Variants in MARCHF7 observed in about 807,000 individuals in gnomAD.
The protein encoded by MARCHF7 is E3 ubiquitin-protein ligase MARCHF7.
MARCHF7 carries 20 observed loss-of-function variants against 76.5 expected under a neutral mutation model. The observed-to-expected ratio is 0.26, with a 90% CI of 0.18 to 0.38. MARCHF7 has a LOEUF of 0.38. MARCHF7 is among the 10% of genes least tolerant of loss of function. The probability of loss-of-function intolerance (pLI) is 1.00; values close to 1 mark genes in which losing one functional copy is unlikely to be tolerated. For synonymous variants in MARCHF7, 295 were observed against 293.0 expected (o/e 1.01, Z -0.07); for missense variants, 797 against 812.9 (o/e 0.98, Z 0.24).
In MARCHF7 at chr2:159,748,544, A is replaced by G; in HGVS notation, c.1254A>G (p.Ser418=). 1.9e-6 allele frequency: 3 copies of G among 1,614,208 alleles called. No homozygotes were observed. Among genetic ancestry groups the G allele is most frequent in the East Asian group, 2.2e-5 (1 of 44,894 alleles). Residue 418 remains serine (S), a synonymous_variant, in exon 7 of 12, where the codon TCA becomes TCG. Transcript: ENST00000409175. Reference sequence around the variant, plus strand: ...CAAGGATACCTACCTCTGATACATCATCTAGATCTCATATTTTTAGAAGAG... The same window carrying G: ...CAAGGATACCTACCTCTGATACATCGTCTAGATCTCATATTTTTAGAAGAG... ...ESSRIPTSDT[S]SRSHIFRRES... is the part of the protein sequence containing the mutation.
At chr2:159,719,411 C>A (rs983755507) in intron 3 of MARCHF7, among the ~76,000 whole-genome samples, 10 of 149,006 alleles carry the variant, frequency 6.7e-5, no homozygotes, top group Non-Finnish European at 8.9e-5. Context: ...CACTCCCAAT[C>A]CCCTGAAAGA....
chr2:159,764,843 G>GT (rs5835760), intron 11 of MARCHF7, among the ~76,000 whole-genome samples, 169 bp downstream of exon 11: 98,386 of 146,108 alleles, frequency 0.67, 34,127 homozygotes, highest in Non-Finnish European at 0.78. Context: ...GACATTAGTT[G>GT]TTTTTTTTTT....
chr2:159,713,904 A>T (rs1700656257), intron 1 of MARCHF7, among the ~76,000 whole-genome samples: 1 of 152,168 alleles, frequency 6.6e-6, no homozygotes, highest in African/African-American at 2.4e-5. Context: ...ACTAGGGGAC[A>T]TAATACTAGT....
chr2:159,739,184 G>T (rs1187392824), intron 4 of MARCHF7, among the ~76,000 whole-genome samples: 2 of 152,248 alleles, frequency 1.3e-5, no homozygotes, highest in East Asian at 3.8e-4. Flanking sequence ...CTGGGTCAGG[G>T]AGCACAGGGC....
At chr2:159,762,559 A>G (rs1178789707) in intron 9 of MARCHF7, among the ~76,000 whole-genome samples, 3 of 152,264 alleles carry the variant, frequency 2.0e-5, no homozygotes, top group Non-Finnish European at 1.5e-5. Context: ...CTAAATATAT[A>G]TAGCTATAGC....
intron 5 of MARCHF7, among the ~76,000 whole-genome samples, chr2:159,744,416 T>TTATGTACTGA (rs1213669957): frequency 4.6e-4 from 70 of 152,230 alleles, no homozygotes; most frequent in Admixed American, 2.2e-3. Flanking sequence ...ATGCCTGGTA[T>TTATGTACTGA]TATGTACTGA....
intron 3 of MARCHF7, among the ~76,000 whole-genome samples, chr2:159,727,718 T>G (rs573183815): frequency 2.2e-4 from 34 of 152,220 alleles, no homozygotes; most frequent in Non-Finnish European, 4.6e-4. Flanking sequence ...TATGGTGGAA[T>G]GCTATGTAAA....
At chr2:159,712,777 A>T (rs974287372) in intron 1 of MARCHF7, 171 bp downstream of exon 1, 1 of 152,452 alleles carries the variant, frequency 6.6e-6, no homozygotes, top group Admixed American at 6.5e-5. Context: ...GCTTCCTCTC[A>T]GGATGAGGTG....
At chr2:159,765,280 TAAG>T (rs2125754296) in intron 11 of MARCHF7, among the ~76,000 whole-genome samples, 1 of 152,164 alleles carries the variant, frequency 6.6e-6, no homozygotes, top group Admixed American at 6.5e-5. Flanking sequence ...TCAAATCTCT[TAAG>T]ATCACATTCC....
At chr2:159,742,079 A>G (rs1704193327) in intron 4 of MARCHF7, among the ~76,000 whole-genome samples, 1 of 152,178 alleles carries the variant, frequency 6.6e-6, no homozygotes, top group Non-Finnish European at 1.5e-5. Context: ...AACTTAACAA[A>G]TTAAAGAATT....
intron 8 of MARCHF7, among the ~76,000 whole-genome samples, chr2:159,757,691 CT>C (rs1287386140): frequency 3.3e-5 from 5 of 152,120 alleles, no homozygotes; most frequent in Non-Finnish European, 5.9e-5. Flanking sequence ...TGAGTGTAGC[CT>C]TTTTGAATGA....
chr2:159,748,067 G>C lies in MARCHF7; in HGVS notation c.777G>C (p.Arg259Ser). 3 of 1,614,110 alleles carry C rather than the reference G, an allele frequency of 1.9e-6. No homozygotes were observed. The highest frequency in any genetic ancestry group is 1.1e-5 in the South Asian group (1 of 91,074). ...CCCCAATCATAAGCAATTCAGAAAG[G>C]GTTGTTTCATCTCAAAGACCATTTC... Reference protein sequence around the residue: ...DEAPIISNSERVVSSQRPFQE... With the variant: ...DEAPIISNSESVVSSQRPFQE... The change falls in exon 7 of 12, where the codon AGG becomes AGC. Residue 259 changes from arginine to serine, a missense_variant. Arg to Ser is a moderately radical substitution (Grantham distance 110). Around this residue, in one of 3 missense-constraint regions of MARCHF7, gnomAD observed 643 missense variants for 631.5 expected, o/e 1.02. Coordinates refer to ENST00000409175, the MANE Select transcript of MARCHF7 (RefSeq NM_001282805.2).
At chr2:159,732,796 T>G in intron 4 of MARCHF7, 2 of 954,090 alleles carry the variant, frequency 2.1e-6, no homozygotes, top group Non-Finnish European at 2.5e-6. Flanking sequence ...CCTCCCAAAG[T>G]GATGGGATTA....
At chr2:159,746,461 G>A (rs1416339911) in intron 6 of MARCHF7, among the ~76,000 whole-genome samples, 1 of 152,222 alleles carries the variant, frequency 6.6e-6, no homozygotes, top group Non-Finnish European at 1.5e-5. Flanking sequence ...GGGTGCAATG[G>A]CACGACGTCA....
intron 3 of MARCHF7, among the ~76,000 whole-genome samples, chr2:159,719,655 T>C (rs924186844): frequency 8.5e-5 from 13 of 152,310 alleles, no homozygotes; most frequent in African/African-American, 2.6e-4. Context: ...CAATTTTACC[T>C]AGTCTATTGT....
At chr2:159,744,214 T>C (rs1354649793) in intron 5 of MARCHF7, among the ~76,000 whole-genome samples, 1 of 151,880 alleles carries the variant, frequency 6.6e-6, no homozygotes, top group African/African-American at 2.4e-5. Context: ...GGTCTCGATC[T>C]CCTGACCTCG....
rs1469984053 is a variant in MARCHF7, at chr2:159,770,309, TGTGTAACAGCTG to T, written c.*2974_*2985del. On this transcript the variant is annotated 3_prime_UTR_variant, in exon 12 of 12. Coordinates refer to ENST00000409175, the MANE Select transcript of MARCHF7 (RefSeq NM_001282805.2). ...AGCTCTTACAGAGCATGCTTGTGCTTGTGTAACAGCTGGTGTAATGCCTGCATTTTCAGTACC... is the reference window on the plus strand; with the variant it reads ...AGCTCTTACAGAGCATGCTTGTGCTTGTGTAATGCCTGCATTTTCAGTACC... 6.6e-6 allele frequency: 1 copy of T among 152,184 alleles called. No homozygotes were observed. Among genetic ancestry groups the T allele is most frequent in the African/African-American group, 2.4e-5 (1 of 41,454 alleles). The allele number at this position is 152,184 out of a possible 1,614,324, so 9.4% of individuals were successfully genotyped here. A position where few individuals can be genotyped will look rare whatever the true frequency, so the allele number is the denominator to read the frequency against.
intron 6 of MARCHF7, among the ~76,000 whole-genome samples, chr2:159,746,243 CAG>C (rs1704867102): frequency 6.6e-6 from 1 of 152,144 alleles, no homozygotes; most frequent in South Asian, 2.1e-4. Flanking sequence ...TTGCCTGTAA[CAG>C]ATGTAGTTTA....
chr2:159,726,001 T>A (rs1291522175), intron 3 of MARCHF7, among the ~76,000 whole-genome samples: 1 of 152,176 alleles, frequency 6.6e-6, no homozygotes, highest in Non-Finnish European at 1.5e-5. Flanking sequence ...AGTCTGTGGG[T>A]CTCAATACTG....
Sources: allele counts gnomAD v4.1 joint callset (sites outside exome capture counted in the v4.1 genomes callset), GRCh38; gene constraint gnomAD v4.1.1; regional missense constraint gnomAD v4.1.1; transcripts MANE v1.5; gene names NCBI Gene and HGNC (gene_info 2026-07-23, HGNC 2026-07-21).